AFF1: variants seen among roughly 807,000 people sequenced by gnomAD.
AFF1 encodes the protein AF4/FMR2 family member 1.
A neutral mutation model predicts 121.7 loss-of-function variants in AFF1; 48 were observed. The ratio of observed to expected loss-of-function variants is 0.39; its 90% confidence interval spans 0.31 to 0.50. The LOEUF is 0.50. Among genes scored for constraint, AFF1 ranks in the 20% least tolerant of loss-of-function variants. AFF1 has a pLI of 0.76. For missense variants in AFF1, 1,523 were observed against 1,511.7 expected (o/e 1.01, Z -0.12); for synonymous variants, 613 against 563.0 (o/e 1.09, Z -1.26).
chr4:87,091,219 A>G (rs1724274505), intron 6 of AFF1, among the ~76,000 whole-genome samples: 2 of 151,512 alleles, frequency 1.3e-5, no homozygotes, highest in Non-Finnish European at 2.9e-5. Context: ...CCTGGCCAAC[A>G]TGGTGAAACA....
chr4:87,077,103 G>A (rs1409373882), intron 4 of AFF1, among the ~76,000 whole-genome samples: 2 of 152,216 alleles, frequency 1.3e-5, no homozygotes, highest in African/African-American at 4.8e-5. Flanking sequence ...CATTTCAAAT[G>A]TGTCTTCTCA....
At chr4:87,092,020 A>G (rs1323785824) in intron 7 of AFF1, among the ~76,000 whole-genome samples, 191 bp downstream of exon 7, 1 of 152,258 alleles carries the variant, frequency 6.6e-6, no homozygotes, top group Non-Finnish European at 1.5e-5. Flanking sequence ...GCAGTGGCTC[A>G]TGCCTGTAAT....
chr4:87,063,952 T>G (rs1235150042), intron 4 of AFF1, among the ~76,000 whole-genome samples: 2 of 152,236 alleles, frequency 1.3e-5, no homozygotes, highest in Non-Finnish European at 2.9e-5. Context: ...TTCACAGTTG[T>G]TGTGATGAAG....
At chr4:87,034,287 A>C (rs1194218081) in intron 2 of AFF1, among the ~76,000 whole-genome samples, 1 of 152,214 alleles carries the variant, frequency 6.6e-6, no homozygotes, top group African/African-American at 2.4e-5. Flanking sequence ...GAAGGATGCT[A>C]GATCTCGGAA....
chr4:87,007,087 C>G, intron 2 of AFF1: 1 of 1,239,378 alleles, frequency 8.1e-7, no homozygotes. Context: ...GCTGGCTTTC[C>G]CTTCTCAGAA....
chr4:86,981,363 GTTTA>G (rs1366479094), intron 2 of AFF1, among the ~76,000 whole-genome samples: 19 of 151,132 alleles, frequency 1.3e-4, no homozygotes, highest in Non-Finnish European at 2.8e-4. Flanking sequence ...AGTTATTATG[GTTTA>G]TTTATTTTCT....
At chr4:87,038,123 G>A (rs937606372) in intron 2 of AFF1, among the ~76,000 whole-genome samples, 2 of 152,134 alleles carry the variant, frequency 1.3e-5, no homozygotes, top group Admixed American at 1.3e-4. Flanking sequence ...ATTGTAGTTG[G>A]CTGATATTTT....
intron 4 of AFF1, chr4:87,047,834 A>G (rs1172769058): frequency 3.4e-5 from 21 of 618,524 alleles, no homozygotes; most frequent in Non-Finnish European, 8.7e-6. Flanking sequence ...TATGGAGCCA[A>G]AATTTATATA....
intron 2 of AFF1, among the ~76,000 whole-genome samples, chr4:87,012,545 T>C (rs1308884862): frequency 1.3e-5 from 2 of 152,212 alleles, no homozygotes; most frequent in African/African-American, 4.8e-5. Context: ...CAATCGTTTT[T>C]ACTTAAATGT....
At chr4:87,063,998 A>C (rs1411114955) in intron 4 of AFF1, among the ~76,000 whole-genome samples, 1 of 152,210 alleles carries the variant, frequency 6.6e-6, no homozygotes, top group African/African-American at 2.4e-5. Context: ...AATTTTAGTC[A>C]AGTTTTTAAA....
intron 1 of AFF1, among the ~76,000 whole-genome samples, chr4:86,937,900 C>T (rs1263579448): frequency 2.0e-5 from 3 of 152,182 alleles, no homozygotes; most frequent in Admixed American, 2.0e-4. Flanking sequence ...GCCACCGTGC[C>T]TGGCCTACAA....
Position 86,950,072 on chromosome 4 carries a change from C to G in AFF1, c.38+1501C>G. The G allele has an allele frequency of 4.3e-6, 7 of 1,614,114 alleles. No individual in the cohort carries two copies. The South Asian group carries it at 7.7e-5, about 18-fold the overall frequency. On this transcript the variant is annotated intron_variant, in intron 2 of 20. Coordinates refer to ENST00000395146, the MANE Select transcript of AFF1 (RefSeq NM_001166693.3). The stretch of plus-strand genomic sequence containing the variant: ...AGGGTGATTGATGTAATAGGCCATC[C>G]ACGCGGCGAAGCCCCAGTAGTAGGT...
intron 2 of AFF1, chr4:86,950,083 G>T: frequency 6.2e-7 from 1 of 1,614,132 alleles, no homozygotes; most frequent in Non-Finnish European, 8.5e-7. Flanking sequence ...ACGCGGCGAA[G>T]CCCCAGTAGT....
chr4:87,115,351 GC>G, intron 12 of AFF1, 52 bp downstream of exon 12: 1 of 1,464,256 alleles, frequency 6.8e-7, no homozygotes, highest in Non-Finnish European at 9.1e-7. Context: ...CTTGCTGTTG[GC>G]CTGGCGGTAT....
At chr4:86,988,334 C>T (rs939893729) in intron 2 of AFF1, among the ~76,000 whole-genome samples, 2 of 152,124 alleles carry the variant, frequency 1.3e-5, no homozygotes, top group African/African-American at 4.8e-5. Flanking sequence ...ACCCCGCCTC[C>T]CAGCCTCTGG....
At chr4:86,967,695 CAG>C (rs1323484075) in intron 2 of AFF1, among the ~76,000 whole-genome samples, 1 of 151,210 alleles carries the variant, frequency 6.6e-6, no homozygotes, top group Non-Finnish European at 1.5e-5. Context: ...ATGCATGAAA[CAG>C]AAGACTCAAG....
chr4:86,990,441 A>G (rs1469129870), intron 2 of AFF1, among the ~76,000 whole-genome samples: 2 of 152,076 alleles, frequency 1.3e-5, no homozygotes, highest in African/African-American at 2.4e-5. Flanking sequence ...GTTGATATCA[A>G]AGCGGTGTGA....
chr4:86,968,802 C>T (rs1369844384), intron 2 of AFF1, among the ~76,000 whole-genome samples: 1 of 152,180 alleles, frequency 6.6e-6, no homozygotes, highest in Admixed American at 6.5e-5. Flanking sequence ...TTTTGCATAA[C>T]ACATGGGTGA....
chr4:87,005,699 A>ATTC (rs1368663882), intron 2 of AFF1, among the ~76,000 whole-genome samples: 1 of 152,220 alleles, frequency 6.6e-6, no homozygotes, highest in Admixed American at 6.5e-5. Flanking sequence ...GGTACTTCCC[A>ATTC]TTTTATCACA....
Sources: gnomAD v4.1 joint callset for allele counts (sites outside exome capture counted in the v4.1 genomes callset) on GRCh38, gnomAD v4.1.1 for gene constraint, MANE v1.5 for transcripts, NCBI Gene and HGNC (gene_info 2026-07-23, HGNC 2026-07-21) for gene names.